Variants in CSF1R observed in about 807,000 individuals in gnomAD.
CSF1R encodes colony stimulating factor 1 receptor.
Under a neutral mutation model 110.0 loss-of-function variants are expected in CSF1R, and 40 were observed. That is an observed-to-expected ratio of 0.36 (90% confidence interval 0.28 to 0.47). CSF1R has a LOEUF of 0.47. CSF1R is among the 20% of genes least tolerant of loss of function. The pLI is 0.99. For missense variants in CSF1R, 1,052 were observed against 1,253.0 expected (o/e 0.84, Z 2.42); for synonymous variants, 523 against 503.4 (o/e 1.04, Z -0.52).
chr5:150,060,433 G>C (rs13176911), intron 13 of CSF1R, among the ~76,000 whole-genome samples: 79,270 of 151,894 alleles, frequency 0.52, 22,824 homozygotes, highest in Non-Finnish European at 0.64. Context: ...GTAGGTCAGA[G>C]CTGCTATCAG....
chr5:150,057,480 G>A, intron 15 of CSF1R, 24 bp downstream of exon 15: 4 of 1,612,970 alleles, frequency 2.5e-6, no homozygotes, highest in South Asian at 2.2e-5. Context: ...AAGCAAATGG[G>A]GCCTGGCCCT....
At chr5:150,107,433 C>A (rs534088931) in intron 1 of CSF1R, among the ~76,000 whole-genome samples, 3 of 152,374 alleles carry the variant, frequency 2.0e-5, no homozygotes, top group East Asian at 3.9e-4. Context: ...ATTGGGCACA[C>A]TCTTCATGCC....
At chr5:150,090,423 T>C (rs1431858236), upstream of CSF1R, among the ~76,000 whole-genome samples, 1 of 152,212 alleles carries the variant, frequency 6.6e-6, no homozygotes, top group East Asian at 1.9e-4. Flanking sequence ...ATGTTTCTCA[T>C]GCTGCTCCTT....
At chr5:150,100,606 A>C (rs1759376665) in intron 1 of CSF1R, among the ~76,000 whole-genome samples, 1 of 152,168 alleles carries the variant, frequency 6.6e-6, no homozygotes, top group Non-Finnish European at 1.5e-5. Flanking sequence ...AGCAACAGGA[A>C]ATCTCATACA....
Position 150,053,762 on chromosome 5 carries a change from A to G in CSF1R, c.*307T>C. The G allele has an allele frequency of 2.1e-6, 1 of 469,970 alleles. No homozygotes were observed. Among genetic ancestry groups the G allele is most frequent in the Non-Finnish European group, 3.9e-6 (1 of 257,986 alleles). The allele number at this position is 469,970 out of a possible 1,614,324, so 29.1% of individuals were successfully genotyped here. On this transcript the variant is annotated 3_prime_UTR_variant, in exon 21 of 21. Coordinates refer to ENST00000675795, the MANE Select transcript of CSF1R (RefSeq NM_001288705.3). The stretch of plus-strand genomic sequence containing the variant: ...AAAGTCAGTCCATTTCCATGAAGAT[A>G]AGGGGATTAGGAAAGAAGGTTCTAC...
Position 150,056,239 on chromosome 5 carries a change from T to G in CSF1R, c.2422A>C (p.Asn808His), listed in dbSNP as rs1450929997. Residue 808 changes from asparagine to histidine, a missense_variant, in exon 17 of 21, where the codon AAC (asparagine) becomes CAC (histidine). Transcript: ENST00000675795. ...CTTACATTGCCCTTGACAATGTAGT[T>G]GGAGTCATTCATGATGTCCCTAGCC... ...GLARDIMNDSNYIVKGNARLP... is the reference protein window; with the variant it reads ...GLARDIMNDSHYIVKGNARLP... 2 of 1,614,168 alleles carry G rather than the reference T, an allele frequency of 1.2e-6. No individual in the cohort carries two copies. The highest frequency in any genetic ancestry group is 1.3e-5 in the African/African-American group (1 of 75,052).
intron 5 of CSF1R, among the ~76,000 whole-genome samples, chr5:150,074,606 A>G (rs1231461264): frequency 6.6e-6 from 1 of 152,152 alleles, no homozygotes; most frequent in Non-Finnish European, 1.5e-5. Flanking sequence ...AGCCCCTGAC[A>G]TGCCTTCTTA....
rs780905525 is a variant in CSF1R at position 150,060,838 on chromosome 5, C to A, written c.1969+24G>T. ...TTCCCCAGAGGCCCCAAGACCTTGG[C>A]CCCAGGAACCCCAAGGCCCTTACCT... On this transcript the variant is annotated intron_variant, in intron 13 of 20. Transcript: ENST00000675795. The A allele has an allele frequency of 3.9e-6, 6 of 1,534,538 alleles. No homozygotes were observed. In the East Asian group the frequency reaches 1.1e-4, roughly 29 times the overall value.
intron 1 of CSF1R, among the ~76,000 whole-genome samples, chr5:150,105,985 C>T (rs569958971): frequency 6.6e-6 from 1 of 152,346 alleles, no homozygotes; most frequent in East Asian, 1.9e-4. Context: ...TTCACTTGCC[C>T]AAAGTCCCAG....
chr5:150,097,414 AAAAG>A (rs371821585), intron 1 of CSF1R, among the ~76,000 whole-genome samples: 98 of 152,068 alleles, frequency 6.4e-4, no homozygotes, highest in African/African-American at 2.0e-3. Context: ...AAAGAAAGAA[AAAAG>A]AAAGAAAGAA....
At chr5:150,076,730 ATGTTCTCTT>A (rs1758283094) in intron 5 of CSF1R, among the ~76,000 whole-genome samples, 1 of 152,096 alleles carries the variant, frequency 6.6e-6, no homozygotes, top group African/African-American at 2.4e-5. Flanking sequence ...CAAATGATCT[ATGTTCTCTT>A]TGCCTTTGAG....
intron 10 of CSF1R, among the ~76,000 whole-genome samples, chr5:150,062,204 TCCATCCATCTAC>T (rs1757563439): frequency 6.8e-6 from 1 of 148,130 alleles, no homozygotes; most frequent in South Asian, 2.1e-4. Context: ...CGTTCATCTG[TCCATCCATCTAC>T]CCATCCATCC....
chr5:150,095,763 G>GAA (rs57813822), intron 1 of CSF1R, among the ~76,000 whole-genome samples: 5 of 121,836 alleles, frequency 4.1e-5, no homozygotes, highest in Non-Finnish European at 8.8e-5. Context: ...CATTTACCGA[G>GAA]AAAAAAAAAA....
chr5:150,108,401 T>G (rs1268709308), intron 1 of CSF1R, among the ~76,000 whole-genome samples: 1 of 152,046 alleles, frequency 6.6e-6, no homozygotes, highest in Non-Finnish European at 1.5e-5. Flanking sequence ...ACAAGGTGGA[T>G]GGACCTTGGA....
intron 6 of CSF1R, among the ~76,000 whole-genome samples, 163 bp downstream of exon 6, chr5:150,073,138 T>C (rs1758097924): frequency 3.3e-5 from 5 of 152,016 alleles, no homozygotes; most frequent in Admixed American, 1.3e-4. Flanking sequence ...AGATGACCAA[T>C]ATTGGGATTC....
At chr5:150,113,043 C>T (rs1251788165) in intron 1 of CSF1R, among the ~76,000 whole-genome samples, 1 of 152,206 alleles carries the variant, frequency 6.6e-6, no homozygotes, top group Non-Finnish European at 1.5e-5. Context: ...AGGGCCCTAG[C>T]ACTCTGTCCC....
intron 1 of CSF1R, among the ~76,000 whole-genome samples, chr5:150,109,062 C>CCCA (rs1411364118): frequency 6.6e-5 from 8 of 121,198 alleles, no homozygotes; most frequent in Admixed American, 4.9e-4. Flanking sequence ...AAGCCCGCCC[C>CCCA]CCCCCCACCA....
chr5:150,073,609 A>AGCT, intron 5 of CSF1R, 116 bp from the exon 6 acceptor site: 1 of 1,000,664 alleles, frequency 1.0e-6, no homozygotes, highest in Non-Finnish European at 1.5e-6. Flanking sequence ...ACAGGTACAT[A>AGCT]GTCCCCACCA....
rs1561898817 is a variant in CSF1R at position 150,053,371 on chromosome 5, G to A, written c.*698C>T. 2 of 234,072 alleles carry A rather than the reference G, an allele frequency of 8.5e-6. No homozygotes were observed. Among genetic ancestry groups the A allele is most frequent in the Non-Finnish European group, 8.5e-6 (1 of 118,320 alleles). 14.5% of individuals were successfully genotyped at this position (234,072 alleles called of 1,614,324 possible). ...GTTAGTTAGGATGAGTCAGCTTGGGGGAGTTTGTGCTTCCTGCTTGGTGTG... is the reference window on the plus strand; with the variant it reads ...GTTAGTTAGGATGAGTCAGCTTGGGAGAGTTTGTGCTTCCTGCTTGGTGTG... On this transcript the variant is annotated 3_prime_UTR_variant, in exon 21 of 21. Transcript: ENST00000675795.
Sources: allele counts gnomAD v4.1 joint callset (sites outside exome capture counted in the v4.1 genomes callset), GRCh38; gene constraint gnomAD v4.1.1; transcripts MANE v1.5; gene names NCBI Gene and HGNC (gene_info 2026-07-23, HGNC 2026-07-21).